Variants in TOX observed in about 807,000 individuals in gnomAD.
The protein encoded by TOX is thymocyte selection-associated high mobility group box protein TOX.
A neutral mutation model predicts 53.7 loss-of-function variants in TOX; 11 were observed. That is an observed-to-expected ratio of 0.20 (90% CI 0.13 to 0.34). The LOEUF is 0.34. Among genes scored for constraint, TOX ranks in the 10% least tolerant of loss-of-function variants. The pLI is 1.00. For missense variants in TOX, 570 were observed against 664.6 expected (o/e 0.86, Z 1.56); for synonymous variants, 225 against 245.3 (o/e 0.92, Z 0.77).
At chr8:58,838,048 A>T (rs1177506205) in intron 5 of TOX, 33 bp downstream of exon 5, 1 of 1,599,152 alleles carries the variant, frequency 6.3e-7, no homozygotes, top group Non-Finnish European at 8.6e-7. Flanking sequence ...ATCTCAGCTT[A>T]TGTAGATTCC....
chr8:59,012,044 C>T (rs1813915623), intron 1 of TOX, among the ~76,000 whole-genome samples: 1 of 152,042 alleles, frequency 6.6e-6, no homozygotes, highest in Non-Finnish European at 1.5e-5. Context: ...GCAAGACCAC[C>T]CTGGAGGCAT....
Position 58,834,857 on chromosome 8 carries a change from T to C in TOX, c.924+3224A>G, listed in dbSNP as rs367825876. Among the ~76,000 whole-genome samples, 18 of 152,296 alleles carry C rather than the reference T, an allele frequency of 1.2e-4. No homozygotes were observed. In the East Asian group the frequency reaches 2.1e-3, roughly 18 times the overall value. ...ATAATCTGCAGCCTCACTCTCTTGG[T>C]TAAGCAAGATCATCTTTTAGGTTCA... On this transcript the variant is annotated intron_variant, in intron 5 of 8. Transcript: ENST00000361421.
At chr8:59,000,987 G>T (rs1177897725) in intron 1 of TOX, among the ~76,000 whole-genome samples, 1 of 151,998 alleles carries the variant, frequency 6.6e-6, no homozygotes, top group Non-Finnish European at 1.5e-5. Context: ...TCTATCTAGT[G>T]TCTCCAACTA....
intron 1 of TOX, among the ~76,000 whole-genome samples, chr8:59,071,118 C>T (rs1436906420): frequency 7.9e-5 from 12 of 152,112 alleles, no homozygotes; most frequent in Non-Finnish European, 1.8e-4. Flanking sequence ...GTGAAAAGCT[C>T]GCAGACATGG....
At chr8:58,960,691 A>G (rs988243194) in intron 1 of TOX, among the ~76,000 whole-genome samples, 1 of 152,220 alleles carries the variant, frequency 6.6e-6, no homozygotes, top group African/African-American at 2.4e-5. Flanking sequence ...TCAAGTTAGG[A>G]AAAGGATGAA....
chr8:59,085,218 A>T (rs1311456518), intron 1 of TOX, among the ~76,000 whole-genome samples: 1 of 152,222 alleles, frequency 6.6e-6, no homozygotes, highest in Non-Finnish European at 1.5e-5. Context: ...AATGAAAAAT[A>T]ATCAGTCACA....
At chr8:59,091,712 T>C (rs1401619290) in intron 1 of TOX, among the ~76,000 whole-genome samples, 1 of 152,152 alleles carries the variant, frequency 6.6e-6, no homozygotes, top group East Asian at 1.9e-4. Flanking sequence ...ATTTGTATCA[T>C]GTTATAAATG....
intron 1 of TOX, among the ~76,000 whole-genome samples, chr8:59,102,725 T>A (rs530864718): frequency 6.6e-6 from 1 of 152,030 alleles, no homozygotes; most frequent in African/African-American, 2.4e-5. Context: ...AAGAAAGTAA[T>A]TCAGAAGAAT....
At chr8:58,983,408 C>A (rs565229979) in intron 1 of TOX, among the ~76,000 whole-genome samples, 1 of 152,122 alleles carries the variant, frequency 6.6e-6, no homozygotes, top group Admixed American at 6.5e-5. Context: ...CTTAAAGAAC[C>A]CCTGGCATCG....
chr8:59,047,755 AG>A (rs1471746821), intron 1 of TOX, among the ~76,000 whole-genome samples: 1 of 152,168 alleles, frequency 6.6e-6, no homozygotes, highest in Non-Finnish European at 1.5e-5. Flanking sequence ...TTTCAAAGAC[AG>A]AAGGGGCTTA....
At chr8:59,002,039 A>G (rs1320624691) in intron 1 of TOX, among the ~76,000 whole-genome samples, 2 of 147,310 alleles carry the variant, frequency 1.4e-5, no homozygotes, top group Admixed American at 6.8e-5. Flanking sequence ...CAACGGCACA[A>G]TGTCGACTCA....
At chr8:58,812,895 G>T (rs1810106700) in intron 7 of TOX, among the ~76,000 whole-genome samples, 1 of 152,138 alleles carries the variant, frequency 6.6e-6, no homozygotes, top group Non-Finnish European at 1.5e-5. Flanking sequence ...CACTTTTACT[G>T]CTCATTTGTT....
chr8:59,076,532 C>T (rs1191549839), intron 1 of TOX, among the ~76,000 whole-genome samples: 2 of 152,208 alleles, frequency 1.3e-5, no homozygotes, highest in South Asian at 2.1e-4. Context: ...ATTTCAGACT[C>T]GGCACCTATA....
At chr8:59,061,887 GC>G (rs1803992403) in intron 1 of TOX, among the ~76,000 whole-genome samples, 1 of 152,022 alleles carries the variant, frequency 6.6e-6, no homozygotes, top group Non-Finnish European at 1.5e-5. Context: ...GGGGAGTGAC[GC>G]CCCTCCATCT....
intron 6 of TOX, among the ~76,000 whole-genome samples, chr8:58,823,148 G>T (rs1810309582): frequency 6.6e-6 from 1 of 152,138 alleles, no homozygotes; most frequent in Non-Finnish European, 1.5e-5. Context: ...TTTATTTTTG[G>T]CAGAGTTCAA....
chr8:59,001,124 AC>A (rs1813681543), intron 1 of TOX, among the ~76,000 whole-genome samples: 1 of 152,172 alleles, frequency 6.6e-6, no homozygotes, highest in Non-Finnish European at 1.5e-5. Context: ...CGAAATACCT[AC>A]AAGAACTAAG....
intron 6 of TOX, among the ~76,000 whole-genome samples, chr8:58,819,516 C>T (rs147870868): frequency 0.011 from 1,717 of 152,234 alleles, 10 homozygotes; most frequent in Middle Eastern, 0.044. Context: ...AAGTGGGGGT[C>T]GTGGCCATAG....
At chr8:58,998,264 G>A (rs1191253249) in intron 1 of TOX, among the ~76,000 whole-genome samples, 2 of 151,122 alleles carry the variant, frequency 1.3e-5, no homozygotes, top group African/African-American at 4.9e-5. Context: ...TGAGGTGGGT[G>A]GATCACTTGA....
chr8:58,858,709 C>T (rs527343084), intron 3 of TOX, among the ~76,000 whole-genome samples: 9 of 152,302 alleles, frequency 5.9e-5, no homozygotes, highest in Admixed American at 3.3e-4. Flanking sequence ...AATAAGGAGA[C>T]CCTGCTGGCT....
Sources: allele counts gnomAD v4.1 joint callset (sites outside exome capture counted in the v4.1 genomes callset), GRCh38; gene constraint gnomAD v4.1.1; transcripts MANE v1.5; gene names NCBI Gene and HGNC (gene_info 2026-07-23, HGNC 2026-07-21).